Variants in PPP2R2B observed in about 807,000 individuals in gnomAD.
The protein encoded by PPP2R2B is serine/threonine-protein phosphatase 2A 55 kDa regulatory subunit B beta isoform.
A neutral mutation model predicts 46.0 loss-of-function variants in PPP2R2B; 5 were observed. The observed-to-expected ratio is 0.11, with a 90% confidence interval of 0.06 to 0.23. PPP2R2B has a LOEUF of 0.23. PPP2R2B is among the 10% of genes least tolerant of loss of function. The pLI is 1.00. For missense variants in PPP2R2B, 367 were observed against 575.0 expected (o/e 0.64, Z 3.70); for synonymous variants, 215 against 206.7 (o/e 1.04, Z -0.34).
chr5:146,923,339 G>A (rs1005816730), intron 1 of PPP2R2B, among the ~76,000 whole-genome samples: 2 of 152,172 alleles, frequency 1.3e-5, no homozygotes, highest in African/African-American at 2.4e-5. Flanking sequence ...ACCTGTCAGA[G>A]CCTAAGTAGA....
chr5:146,829,559 G>A (rs1384651377), intron 2 of PPP2R2B, among the ~76,000 whole-genome samples: 4 of 152,186 alleles, frequency 2.6e-5, no homozygotes, highest in Non-Finnish European at 5.9e-5. Context: ...CTGCTGTCAT[G>A]CTTTAAGGAA....
intron 2 of PPP2R2B, among the ~76,000 whole-genome samples, chr5:146,854,838 G>A (rs906387116): frequency 1.3e-5 from 2 of 152,156 alleles, no homozygotes; most frequent in African/African-American, 4.8e-5. Context: ...ACAGTGAAAA[G>A]CAGGTATTTA....
At chr5:146,664,209 T>C (rs1776842166) in intron 5 of PPP2R2B, among the ~76,000 whole-genome samples, 1 of 152,218 alleles carries the variant, frequency 6.6e-6, no homozygotes, top group South Asian at 2.1e-4. Flanking sequence ...TCATGAAAGA[T>C]TTCTCTGTAG....
At chr5:146,711,308 G>C (rs1392292243) in intron 2 of PPP2R2B, among the ~76,000 whole-genome samples, 2 of 152,026 alleles carry the variant, frequency 1.3e-5, no homozygotes, top group African/African-American at 4.8e-5. Context: ...GGGCACTGAA[G>C]AGAGCCAATA....
chr5:147,000,186 C>T (rs1188190677), intron 1 of PPP2R2B, among the ~76,000 whole-genome samples: 2 of 152,096 alleles, frequency 1.3e-5, no homozygotes, highest in Non-Finnish European at 2.9e-5. Flanking sequence ...ACTTTTGATT[C>T]TTCTAAATAT....
intron 1 of PPP2R2B, among the ~76,000 whole-genome samples, chr5:146,982,545 A>T (rs1753224895): frequency 1.3e-5 from 2 of 152,134 alleles, no homozygotes; most frequent in Admixed American, 1.3e-4. Flanking sequence ...TGTCAATTAG[A>T]TCCTGTCGGT....
chr5:146,823,110 T>G (rs1375722170), intron 2 of PPP2R2B, among the ~76,000 whole-genome samples: 1 of 152,208 alleles, frequency 6.6e-6, no homozygotes, highest in Non-Finnish European at 1.5e-5. Flanking sequence ...CTCAGCCCCC[T>G]GTTCTGGTTT....
rs532670985 is a variant in PPP2R2B at position 146,925,271 on chromosome 5, T to C, written c.79+130394A>G. 9.8e-5 allele frequency among the ~76,000 whole-genome samples: 15 copies of C among 152,360 alleles called. No individual in the cohort carries two copies. In the South Asian group the frequency reaches 1.9e-3, roughly 19 times the overall value. On this transcript the variant is annotated intron_variant, in intron 1 of 8. Transcript: ENST00000336640. Reference sequence around the variant, plus strand: ...TTTTTCCTGTGGATTTGTGCTATCATAGAGTACCATTTCCGGAAGGCCTTC... The same window carrying C: ...TTTTTCCTGTGGATTTGTGCTATCACAGAGTACCATTTCCGGAAGGCCTTC...
rs1771651839 is a variant in PPP2R2B at position 146,600,278 on chromosome 5, TG to T, written c.960+12del. On this transcript the variant is annotated intron_variant, in intron 8 of 9. Transcript: ENST00000394411. ...AATGTTCAATATACCTATGGGTGCC[TG>T]GGGTTCTATACCTGGTAAGTCTCGA... 6.2e-7 allele frequency: 1 copy of T among 1,612,250 alleles called. No homozygotes were observed. The highest frequency in any genetic ancestry group is 8.5e-7 in the Non-Finnish European group (1 of 1,179,286).
intron 1 of PPP2R2B, among the ~76,000 whole-genome samples, chr5:147,004,722 G>C (rs1754351670): frequency 6.6e-6 from 1 of 152,094 alleles, no homozygotes; most frequent in Non-Finnish European, 1.5e-5. Flanking sequence ...CTGAAGTCTA[G>C]GCATTGGAAG....
intron 2 of PPP2R2B, among the ~76,000 whole-genome samples, chr5:146,826,468 C>T (rs564850657): frequency 6.6e-6 from 1 of 152,188 alleles, no homozygotes; most frequent in African/African-American, 2.4e-5. Flanking sequence ...GGAAAATTTG[C>T]TTTGTGAATC....
At chr5:146,708,367 A>C (rs1206218602) in intron 2 of PPP2R2B, among the ~76,000 whole-genome samples, 1 of 150,600 alleles carries the variant, frequency 6.6e-6, no homozygotes, top group Non-Finnish European at 1.5e-5. Flanking sequence ...AAAAAAAAAA[A>C]AAACACTGTA....
At chr5:147,080,962 G>GA in intron 2 of PPP2R2B, 1 of 1,162,990 alleles carries the variant, frequency 8.6e-7, no homozygotes, top group Non-Finnish European at 1.2e-6. Flanking sequence ...GGTGTGTGGG[G>GA]ACTTAGATTC....
At chr5:146,927,358 T>G (rs1479089618) in intron 1 of PPP2R2B, among the ~76,000 whole-genome samples, 1 of 152,138 alleles carries the variant, frequency 6.6e-6, no homozygotes, top group East Asian at 1.9e-4. Flanking sequence ...TTCACACACT[T>G]AAGTCCAACA....
intron 2 of PPP2R2B, among the ~76,000 whole-genome samples, chr5:146,724,645 G>GT (rs1186998260): frequency 6.6e-6 from 1 of 152,120 alleles, no homozygotes; most frequent in Non-Finnish European, 1.5e-5. Flanking sequence ...AATCTAATCT[G>GT]TAACAAATTC....
At chr5:146,807,644 CT>C (rs989470123) in intron 2 of PPP2R2B, among the ~76,000 whole-genome samples, 11 of 152,040 alleles carry the variant, frequency 7.2e-5, no homozygotes, top group Non-Finnish European at 1.3e-4. Flanking sequence ...GGAGATGTAA[CT>C]TGCCCAAATT....
intron 4 of PPP2R2B, among the ~76,000 whole-genome samples, chr5:146,694,692 T>C (rs1247624574): frequency 6.6e-6 from 1 of 152,150 alleles, no homozygotes; most frequent in Non-Finnish European, 1.5e-5. Flanking sequence ...TTTATTTCCT[T>C]CTTTTTATTA....
chr5:147,044,481 C>T (rs1756461799), intron 1 of PPP2R2B, among the ~76,000 whole-genome samples: 1 of 152,128 alleles, frequency 6.6e-6, no homozygotes, highest in South Asian at 2.1e-4. Context: ...CTCTGTTTTC[C>T]TTGCATAATA....
chr5:146,627,761 T>C (rs1002300404), intron 7 of PPP2R2B, among the ~76,000 whole-genome samples: 1 of 152,000 alleles, frequency 6.6e-6, no homozygotes, highest in Non-Finnish European at 1.5e-5. Context: ...TCTTCATGGG[T>C]TGTTGTGAGA....
Sources: gnomAD v4.1 joint callset for allele counts (sites outside exome capture counted in the v4.1 genomes callset) on GRCh38, gnomAD v4.1.1 for gene constraint, MANE v1.5 for transcripts, NCBI Gene and HGNC (gene_info 2026-07-23, HGNC 2026-07-21) for gene names.